WWOX: variants seen among roughly 807,000 people sequenced by gnomAD.
WWOX encodes WW domain-containing oxidoreductase.
In WWOX, 69 loss-of-function variants were observed where a neutral mutation model predicts 46.2. That is an observed-to-expected ratio of 1.49 (90% CI 1.23 to 1.82). WWOX has a LOEUF of 1.82. WWOX is among the 40% of genes most tolerant of loss of function. The pLI is 0.00. For synonymous variants in WWOX, 359 were observed against 202.6 expected, an observed-to-expected ratio of 1.77 and a Z score of -6.56; for missense variants, 919 against 542.6, an observed-to-expected ratio of 1.69 and a Z score of -6.89.
At chr16:78,749,795 A>G (rs180845882) in intron 8 of WWOX, among the ~76,000 whole-genome samples, 4 of 152,348 alleles carry the variant, frequency 2.6e-5, no homozygotes, top group East Asian at 1.9e-4. Flanking sequence ...TGTACTTCCT[A>G]TATTTAACCA....
chr16:78,655,258 G>A (rs1353200521), intron 8 of WWOX, among the ~76,000 whole-genome samples: 1 of 152,112 alleles, frequency 6.6e-6, no homozygotes, highest in African/African-American at 2.4e-5. Context: ...CAGGGTGGTG[G>A]GGCGTGGGCA....
intron 8 of WWOX, among the ~76,000 whole-genome samples, chr16:78,625,523 C>G (rs1238866603): frequency 6.6e-6 from 1 of 151,958 alleles, no homozygotes; most frequent in African/African-American, 2.4e-5. Flanking sequence ...GACTGTAGTA[C>G]CAAGTTCCCA....
chr16:78,923,170 G>C (rs556160717), intron 8 of WWOX, among the ~76,000 whole-genome samples: 3 of 151,616 alleles, frequency 2.0e-5, no homozygotes, highest in South Asian at 2.1e-4. Flanking sequence ...TAGTAGAGAC[G>C]GGGTTTCTCC....
chr16:78,532,455 G>T (rs1029231050), intron 8 of WWOX, among the ~76,000 whole-genome samples: 5 of 152,106 alleles, frequency 3.3e-5, no homozygotes, highest in Admixed American at 3.3e-4. Flanking sequence ...GCATGAACAT[G>T]CTTTGTAATT....
intron 8 of WWOX, among the ~76,000 whole-genome samples, chr16:79,052,892 T>C (rs2048195301): frequency 6.7e-6 from 1 of 149,120 alleles, no homozygotes; most frequent in Non-Finnish European, 1.5e-5. Context: ...TACTAATATG[T>C]CTGCAATCGA....
intron 8 of WWOX, among the ~76,000 whole-genome samples, chr16:79,152,456 G>A (rs1170452977): frequency 6.6e-6 from 1 of 152,094 alleles, no homozygotes; most frequent in Non-Finnish European, 1.5e-5. Flanking sequence ...CGGATCACGA[G>A]GTCAAGAGAT....
intron 8 of WWOX, among the ~76,000 whole-genome samples, chr16:78,802,472 C>G (rs900436186): frequency 2.0e-5 from 3 of 152,032 alleles, no homozygotes; most frequent in Admixed American, 1.3e-4. Context: ...CTATATTAAT[C>G]TGGAATTTTA....
intron 8 of WWOX, among the ~76,000 whole-genome samples, chr16:78,639,956 G>T (rs548633191): frequency 6.6e-6 from 1 of 152,240 alleles, no homozygotes; most frequent in South Asian, 2.1e-4. Context: ...GCAGGTGTTC[G>T]CAGGGCACAG....
At chr16:78,505,383 G>A (rs189532369) in intron 8 of WWOX, among the ~76,000 whole-genome samples, 154 of 152,284 alleles carry the variant, frequency 1.0e-3, no homozygotes, top group African/African-American at 3.7e-3. Flanking sequence ...GGTCCACCAG[G>A]CCCTCTGAGT....
chr16:78,678,067 T>C (rs1222799117), intron 8 of WWOX, among the ~76,000 whole-genome samples: 2 of 152,252 alleles, frequency 1.3e-5, no homozygotes, highest in African/African-American at 4.8e-5. Context: ...TTTCTCTGTT[T>C]AATCTGTCTA....
chr16:78,607,766 T>G (rs2045797147), intron 8 of WWOX, among the ~76,000 whole-genome samples: 1 of 151,952 alleles, frequency 6.6e-6, no homozygotes, highest in African/African-American at 2.4e-5. Flanking sequence ...TCAGGGTGTT[T>G]CATTGCATTT....
intron 8 of WWOX, among the ~76,000 whole-genome samples, chr16:78,474,983 G>C (rs1446195348): frequency 6.6e-6 from 1 of 151,792 alleles, no homozygotes; most frequent in Non-Finnish European, 1.5e-5. Flanking sequence ...ATTTAGGCAC[G>C]CCAGGTTTAT....
intron 5 of WWOX, among the ~76,000 whole-genome samples, chr16:78,277,884 A>C (rs1292704680): frequency 6.6e-6 from 1 of 152,200 alleles, no homozygotes; most frequent in Non-Finnish European, 1.5e-5. Context: ...GAATCATAGC[A>C]CAACCTTTGC....
intron 8 of WWOX, among the ~76,000 whole-genome samples, chr16:78,601,300 C>G (rs2045616317): frequency 6.6e-6 from 1 of 152,122 alleles, no homozygotes; most frequent in Non-Finnish European, 1.5e-5. Context: ...AAGTTGCAAA[C>G]TCTGAATTCT....
intron 5 of WWOX, among the ~76,000 whole-genome samples, chr16:78,375,034 C>A (rs1040902775): frequency 6.6e-6 from 1 of 152,112 alleles, no homozygotes; most frequent in African/African-American, 2.4e-5. Flanking sequence ...TAAACCACTG[C>A]GAGGCAGATA....
chr16:78,857,350 C>T (rs1460583485), intron 8 of WWOX, among the ~76,000 whole-genome samples: 1 of 152,058 alleles, frequency 6.6e-6, no homozygotes, highest in East Asian at 1.9e-4. Flanking sequence ...GTTAAGAAGG[C>T]AGATAACTTC....
intron 8 of WWOX, chr16:78,780,553 G>C (rs1160163223): frequency 1.3e-5 from 2 of 152,198 alleles, no homozygotes; most frequent in African/African-American, 4.8e-5. Context: ...ACTGTGATGA[G>C]GGAGTTAAAG....
intron 8 of WWOX, among the ~76,000 whole-genome samples, chr16:78,753,343 G>T (rs974450463): frequency 6.6e-6 from 1 of 151,882 alleles, no homozygotes; most frequent in African/African-American, 2.4e-5. Context: ...AAGAAAGAAA[G>T]AACCTCTTAG....
At chr16:78,515,319 C>G (rs941384214) in intron 8 of WWOX, among the ~76,000 whole-genome samples, 2 of 152,106 alleles carry the variant, frequency 1.3e-5, no homozygotes, top group Non-Finnish European at 2.9e-5. Flanking sequence ...AAAAATAGAT[C>G]TCGTGTGTGG....
Sources: gnomAD v4.1 joint callset for allele counts (sites outside exome capture counted in the v4.1 genomes callset) on GRCh38, gnomAD v4.1.1 for gene constraint, MANE v1.5 for transcripts, NCBI Gene and HGNC (gene_info 2026-07-23, HGNC 2026-07-21) for gene names.